Variants in PTPRG observed in about 807,000 individuals in gnomAD.
PTPRG encodes the protein protein tyrosine phosphatase receptor type G.
A neutral mutation model predicts 165.3 loss-of-function variants in PTPRG; 102 were observed. The observed-to-expected ratio is 0.62, with a 90% CI of 0.53 to 0.73. The LOEUF (loss-of-function observed/expected upper bound fraction) is 0.73. Ranked by LOEUF, PTPRG falls within the 30% of genes least tolerant of loss-of-function variation. PTPRG has a pLI of 0.00. For synonymous variants in PTPRG, 675 were observed against 669.5 expected (o/e 1.01, Z -0.13); for missense variants, 1,866 against 1,861.4 (o/e 1.00, Z -0.05).
At chr3:62,036,702 G>A (rs979917969) in intron 4 of PTPRG, among the ~76,000 whole-genome samples, 1 of 152,192 alleles carries the variant, frequency 6.6e-6, no homozygotes, top group Admixed American at 6.5e-5. Flanking sequence ...CAATTTTATT[G>A]AGATTTTGGT....
intron 1 of PTPRG, among the ~76,000 whole-genome samples, chr3:61,636,189 T>G (rs1333967989): frequency 6.6e-6 from 1 of 152,172 alleles, no homozygotes; most frequent in Non-Finnish European, 1.5e-5. Context: ...GGTGACAGCT[T>G]TATTGAGATA....
Position 61,800,768 on chromosome 3 carries a change from C to T in PTPRG, c.190+51786C>T, listed in dbSNP as rs149307906. ...AAGTGATTCTCCTGCCTCAGCCTCCCGAGTAGCTGGGATTACAGGCACCCG... is the reference window on the plus strand; with the variant it reads ...AAGTGATTCTCCTGCCTCAGCCTCCTGAGTAGCTGGGATTACAGGCACCCG... On this transcript the variant is annotated intron_variant, in intron 2 of 29. Coordinates refer to ENST00000474889, the MANE Select transcript of PTPRG (RefSeq NM_002841.4). Among the ~76,000 whole-genome samples the T allele has an allele frequency of 1.6e-3, 243 of 151,710 alleles. 4 individuals carry two copies. In the East Asian group the frequency reaches 0.027, roughly 17 times the overall value.
chr3:62,057,114 A>G (rs369288447), intron 4 of PTPRG, among the ~76,000 whole-genome samples: 38 of 152,384 alleles, frequency 2.5e-4, no homozygotes, highest in Middle Eastern at 3.4e-3. Context: ...CTGAAAGTCA[A>G]TGTTTTGACT....
chr3:62,028,070 A>T (rs767988425), intron 4 of PTPRG, among the ~76,000 whole-genome samples: 21 of 152,230 alleles, frequency 1.4e-4, no homozygotes, highest in Non-Finnish European at 2.5e-4. Context: ...GTATCAAAGC[A>T]TCCATTAATT....
At chr3:61,625,443 C>T (rs1701581885) in intron 1 of PTPRG, among the ~76,000 whole-genome samples, 1 of 152,146 alleles carries the variant, frequency 6.6e-6, no homozygotes, top group Non-Finnish European at 1.5e-5. Context: ...AACCCAGCTT[C>T]TGGAATCTAA....
At chr3:61,802,844 A>G (rs1046349573) in intron 2 of PTPRG, among the ~76,000 whole-genome samples, 1 of 152,148 alleles carries the variant, frequency 6.6e-6, no homozygotes, top group Admixed American at 6.5e-5. Context: ...CATGCCCAGT[A>G]TAAAGGTAAT....
In PTPRG at chr3:62,271,014, C is replaced by T. The variant is rs1702042425; in HGVS notation, c.3010-369C>T. On this transcript the variant is annotated intron_variant, in intron 20 of 29. Transcript: ENST00000474889. This position sits in a 1 kb window ranked among gnomAD's most constrained non-coding sequence, Gnocchi z 4.1. ...GTGGAGAAGGAATGGGAATCACAGCCCACAGAGACATGAAAGCAAAGTACT... is the reference window on the plus strand; with the variant it reads ...GTGGAGAAGGAATGGGAATCACAGCTCACAGAGACATGAAAGCAAAGTACT... Among the ~76,000 whole-genome samples the T allele has an allele frequency of 6.6e-6, 1 of 152,008 alleles. No individual in the cohort carries two copies. The highest frequency in any genetic ancestry group is 2.4e-5 in the African/African-American group (1 of 41,370).
At position 61,561,662 on chromosome 3, in the gene PTPRG, A is replaced by T. The variant is rs979266443; in HGVS notation, c.-626A>T. Reference sequence around the variant, plus strand: ...CGCCGGAGCCACAACTTTCAGGAGCATGGACTGAAGGCGCCCTCGCCCCAG... The same window carrying T: ...CGCCGGAGCCACAACTTTCAGGAGCTTGGACTGAAGGCGCCCTCGCCCCAG... On this transcript the variant is annotated 5_prime_UTR_variant, in exon 1 of 30. It removes an upstream start codon present in the reference 5' UTR. Coordinates refer to ENST00000474889, the MANE Select transcript of PTPRG (RefSeq NM_002841.4). 1.3e-5 allele frequency: 2 copies of T among 153,128 alleles called. No homozygotes were observed. The highest frequency in any genetic ancestry group is 4.8e-5 in the African/African-American group (2 of 41,466). The allele number at this position is 153,128 out of a possible 1,614,324, so 9.5% of individuals were successfully genotyped here. A position where few individuals can be genotyped will look rare whatever the true frequency, so the allele number is the denominator to read the frequency against.
At chr3:61,856,785 C>A (rs909460847) in intron 2 of PTPRG, among the ~76,000 whole-genome samples, 4 of 152,100 alleles carry the variant, frequency 2.6e-5, no homozygotes, top group Non-Finnish European at 5.9e-5. Flanking sequence ...CTTGGAGGCC[C>A]TTTGAAGAAT....
At chr3:61,909,883 T>G (rs1037713409) in intron 2 of PTPRG, among the ~76,000 whole-genome samples, 2 of 152,184 alleles carry the variant, frequency 1.3e-5, no homozygotes, top group African/African-American at 4.8e-5. Flanking sequence ...CCAAAATCAT[T>G]TAAACACTTT....
At chr3:61,887,139 TATATATATATATATATATATATATA>T (rs1559670140) in intron 2 of PTPRG, among the ~76,000 whole-genome samples, 50 of 51,882 alleles carry the variant, frequency 9.6e-4, no homozygotes, top group African/African-American at 2.0e-3. Flanking sequence ...TATATATATA[TATATATATATATATATATATATATA>T]TATATATTTT....
At chr3:61,779,443 G>C (rs1318917766) in intron 2 of PTPRG, among the ~76,000 whole-genome samples, 1 of 152,152 alleles carries the variant, frequency 6.6e-6, no homozygotes, top group East Asian at 1.9e-4. Flanking sequence ...CTGCAGGCTT[G>C]GTGCCTGGCA....
At chr3:61,824,769 C>T (rs865914218) in intron 2 of PTPRG, among the ~76,000 whole-genome samples, 1 of 152,162 alleles carries the variant, frequency 6.6e-6, no homozygotes, top group South Asian at 2.1e-4. Context: ...TCAGCCTGGG[C>T]AACAAAGCAA....
At chr3:61,597,653 G>A (rs1421275791) in intron 1 of PTPRG, among the ~76,000 whole-genome samples, 1 of 150,766 alleles carries the variant, frequency 6.6e-6, no homozygotes, top group Non-Finnish European at 1.5e-5. Flanking sequence ...TGGATTTCCT[G>A]TGTGTTGTGG....
intron 2 of PTPRG, among the ~76,000 whole-genome samples, chr3:61,890,992 A>G (rs1042349678): frequency 6.6e-6 from 1 of 152,148 alleles, no homozygotes; most frequent in Non-Finnish European, 1.5e-5. Context: ...ACGGATAGCA[A>G]CTTTTTTTTC....
In PTPRG at chr3:61,663,590, A is replaced by G. The variant is rs186086489; in HGVS notation, c.86-85288A>G. Among the ~76,000 whole-genome samples, 9 of 152,146 alleles carry G rather than the reference A, an allele frequency of 5.9e-5. No homozygotes were observed. The East Asian group carries it at 1.7e-3, about 29-fold the overall frequency. On this transcript the variant is annotated intron_variant, in intron 1 of 29. Coordinates refer to ENST00000474889, the MANE Select transcript of PTPRG (RefSeq NM_002841.4). ...GATGGTTTTGGGATGAGTCAAGTGC[A>G]TTACATTTATTATGCGCTATATTTC...
At chr3:61,905,567 A>G (rs1232855319) in intron 2 of PTPRG, among the ~76,000 whole-genome samples, 1 of 152,202 alleles carries the variant, frequency 6.6e-6, no homozygotes, top group Non-Finnish European at 1.5e-5. Context: ...TTTGTTAGAC[A>G]CGTAACACAA....
chr3:61,608,374 G>A (rs369209713), intron 1 of PTPRG, among the ~76,000 whole-genome samples: 3 of 152,186 alleles, frequency 2.0e-5, no homozygotes, highest in East Asian at 1.9e-4. Flanking sequence ...TGGTTCAGGA[G>A]CAACTATGTG....
intron 7 of PTPRG, among the ~76,000 whole-genome samples, chr3:62,162,984 G>T (rs186540477): frequency 3.3e-4 from 50 of 152,326 alleles, no homozygotes; most frequent in African/African-American, 1.1e-3. Flanking sequence ...GATTGGGAAG[G>T]CCTCAGGAAA....
Sources: allele counts gnomAD v4.1 joint callset (sites outside exome capture counted in the v4.1 genomes callset), GRCh38; gene constraint gnomAD v4.1.1; non-coding constraint Gnocchi (gnomAD v3.1); transcripts MANE v1.5; gene names NCBI Gene and HGNC (gene_info 2026-07-23, HGNC 2026-07-21).